Variants in PCCA observed in about 807,000 individuals in gnomAD.
PCCA encodes the protein propionyl-CoA carboxylase subunit alpha, also known as propionyl-CoA carboxylase alpha chain, mitochondrial.
In PCCA, 74 loss-of-function variants were observed where a neutral mutation model predicts 101.3. The ratio of observed to expected loss-of-function variants is 0.73; its 90% CI spans 0.61 to 0.89. PCCA has a LOEUF of 0.89. Ranked by LOEUF, PCCA falls within the 40% of genes least tolerant of loss-of-function variation. The pLI is 0.00. For synonymous variants in PCCA, 294 were observed against 313.6 expected (o/e 0.94, Z 0.66); for missense variants, 891 against 907.0 (o/e 0.98, Z 0.23).
At chr13:100,307,429 G>A (rs1428994094) in intron 15 of PCCA, among the ~76,000 whole-genome samples, 169 bp downstream of exon 15, 1 of 152,172 alleles carries the variant, frequency 6.6e-6, no homozygotes, top group Non-Finnish European at 1.5e-5. Context: ...AGAAAATTCA[G>A]CGTTATGTTA....
At chr13:100,294,890 G>C (rs1180706980) in intron 12 of PCCA, among the ~76,000 whole-genome samples, 4 of 152,156 alleles carry the variant, frequency 2.6e-5, no homozygotes, top group African/African-American at 9.7e-5. Flanking sequence ...CACGAAGAAT[G>C]TATCAGAGAA....
chr13:100,304,971 CA>C (rs2066340546), intron 14 of PCCA, among the ~76,000 whole-genome samples: 3 of 152,100 alleles, frequency 2.0e-5, no homozygotes, highest in African/African-American at 7.2e-5. Context: ...TTGTTCTGCT[CA>C]GAAATTTGGT....
intron 4 of PCCA, chr13:100,149,611 T>A (rs1178799156): frequency 2.6e-5 from 4 of 152,184 alleles, no homozygotes; most frequent in Non-Finnish European, 1.5e-5. Context: ...AGCCAAGGAG[T>A]GCATCTAGTC....
chr13:100,397,448 A>G (rs1365845806), intron 19 of PCCA, among the ~76,000 whole-genome samples: 1 of 152,182 alleles, frequency 6.6e-6, no homozygotes, highest in South Asian at 2.1e-4. Flanking sequence ...TCTTTGCTTT[A>G]GACTCATTTC....
At chr13:100,430,885 C>CT (rs1251618717) in intron 20 of PCCA, among the ~76,000 whole-genome samples, 2 of 152,160 alleles carry the variant, frequency 1.3e-5, no homozygotes, top group African/African-American at 2.4e-5. Context: ...TTATTCTGTA[C>CT]TTATTATGCC....
intron 19 of PCCA, among the ~76,000 whole-genome samples, chr13:100,400,326 G>A (rs2077263475): frequency 6.6e-6 from 1 of 152,152 alleles, no homozygotes; most frequent in Admixed American, 6.5e-5. Flanking sequence ...TCCAGGATCT[G>A]CCTTTTCTCC....
chr13:100,413,284 C>T lies in PCCA; in HGVS notation c.1747-12349C>T, dbSNP rs148706034. 1.5e-3 allele frequency among the ~76,000 whole-genome samples: 225 copies of T among 152,248 alleles called. 5 individuals are homozygous for T. The East Asian group carries it at 0.039, about 27-fold the overall frequency. The stretch of plus-strand genomic sequence containing the variant: ...GTGTGGGAATTAGGCAAAGGAAATA[C>T]GTAGCCATTTTTATGGACGTCTTAT... On this transcript the variant is annotated intron_variant, in intron 19 of 23. Transcript: ENST00000376285.
At chr13:100,473,998 A>G (rs1367065201) in intron 21 of PCCA, among the ~76,000 whole-genome samples, 6 of 152,326 alleles carry the variant, frequency 3.9e-5, no homozygotes, top group East Asian at 3.9e-4. Context: ...ATGCTTTTCA[A>G]TTATTCTAAG....
intron 19 of PCCA, among the ~76,000 whole-genome samples, chr13:100,372,368 A>AAAACAAAACAAAACC (rs1351744298): frequency 6.6e-6 from 1 of 151,990 alleles, no homozygotes; most frequent in African/African-American, 2.4e-5. Flanking sequence ...AAAACAAAAC[A>AAAACAAAACAAAACC]AAACAAAACA....
intron 19 of PCCA, among the ~76,000 whole-genome samples, chr13:100,382,903 GAGAA>G (rs1236423045): frequency 4.6e-5 from 7 of 152,186 alleles, no homozygotes; most frequent in African/African-American, 9.6e-5. Context: ...TTAAATCTAT[GAGAA>G]AGAAAGAAAG....
chr13:100,258,180 C>T (rs2062205180), intron 9 of PCCA, among the ~76,000 whole-genome samples: 2 of 152,038 alleles, frequency 1.3e-5, no homozygotes, highest in African/African-American at 4.8e-5. Context: ...ATTACTGTGT[C>T]CTTTATATGG....
At chr13:100,210,106 T>C (rs1005956078) in intron 7 of PCCA, among the ~76,000 whole-genome samples, 1 of 152,006 alleles carries the variant, frequency 6.6e-6, no homozygotes, top group African/African-American at 2.4e-5. Context: ...GCCTCCCAAG[T>C]AGCTAGGACT....
intron 4 of PCCA, chr13:100,150,989 A>G: frequency 2.6e-6 from 4 of 1,520,144 alleles, no homozygotes; most frequent in South Asian, 1.1e-5. Flanking sequence ...AGCCCTGTGG[A>G]GAGCAGAGAG....
chr13:100,515,573 G>A lies in PCCA; in HGVS notation c.2040+6G>A, dbSNP rs1266801456. ...CTGTCAAGCCTGGAGACGCGGTAAG[G>A]GCTGTGTGTGTCTCTCTGCAGGACA... is the stretch of plus-strand genomic sequence containing the variant. On this transcript the variant is annotated splice_donor_region_variant and intron_variant, in intron 22 of 23. Transcript: ENST00000376285. The A allele has an allele frequency of 6.2e-7, 1 of 1,613,168 alleles. No homozygotes were observed. Among genetic ancestry groups the A allele is most frequent in the African/African-American group, 1.3e-5 (1 of 75,040 alleles).
intron 6 of PCCA, among the ~76,000 whole-genome samples, chr13:100,176,059 G>A (rs555705752): frequency 8.5e-5 from 13 of 152,304 alleles, no homozygotes; most frequent in African/African-American, 2.9e-4. Context: ...TCGGTTCTTA[G>A]GGATCAGATG....
At chr13:100,435,889 C>G (rs1349412028) in intron 20 of PCCA, among the ~76,000 whole-genome samples, 1 of 151,910 alleles carries the variant, frequency 6.6e-6, no homozygotes, top group Non-Finnish European at 1.5e-5. Flanking sequence ...ACTAAAAATA[C>G]AAAATTAGCC....
chr13:100,395,296 C>A lies in PCCA; in HGVS notation c.1746+26722C>A, dbSNP rs373902549. On this transcript the variant is annotated intron_variant, in intron 19 of 23. Transcript: ENST00000376285. ...CTGTAGAATCTGTAGGCTTATATTT[C>A]TGTCTTGTTTCTTAGCCATAACTGA... Among the ~76,000 whole-genome samples the A allele has an allele frequency of 1.1e-3, 163 of 152,274 alleles. 6 individuals carry two copies. In the South Asian group the frequency reaches 0.031, roughly 29 times the overall value.
intron 21 of PCCA, among the ~76,000 whole-genome samples, chr13:100,459,238 A>C (rs1374248955): frequency 6.6e-6 from 1 of 152,210 alleles, no homozygotes; most frequent in East Asian, 1.9e-4. Context: ...TTATGTCTGC[A>C]AAGACCCTAT....
chr13:100,439,501 T>A (rs1035879850), intron 20 of PCCA, among the ~76,000 whole-genome samples: 1 of 152,202 alleles, frequency 6.6e-6, no homozygotes, highest in Non-Finnish European at 1.5e-5. Context: ...ACCTGCTGGA[T>A]GAATAGAAGT....
Sources: gnomAD v4.1 joint callset for allele counts (sites outside exome capture counted in the v4.1 genomes callset) on GRCh38, gnomAD v4.1.1 for gene constraint, MANE v1.5 for transcripts, NCBI Gene and HGNC (gene_info 2026-07-23, HGNC 2026-07-21) for gene names.